CCBE1: variants seen among roughly 807,000 people sequenced by gnomAD.
CCBE1 encodes the protein collagen and calcium binding EGF domains 1, also known as collagen and calcium-binding EGF domain-containing protein 1.
Under a neutral mutation model 50.0 loss-of-function variants are expected in CCBE1, and 37 were observed. The ratio of observed to expected loss-of-function variants is 0.74; its 90% CI spans 0.57 to 0.97. The LOEUF (loss-of-function observed/expected upper bound fraction) is 0.97, where lower values mean the gene tolerates loss of function less well. CCBE1 is among the 50% of genes least tolerant of loss of function. CCBE1 has a pLI of 0.00. For synonymous variants in CCBE1, 234 were observed against 203.7 expected, an observed-to-expected ratio of 1.15 and a Z score of -1.27; for missense variants, 538 against 523.8, an observed-to-expected ratio of 1.03 and a Z score of -0.26.
chr18:59,587,667 G>A (rs1401550926), intron 2 of CCBE1, among the ~76,000 whole-genome samples: 1 of 152,010 alleles, frequency 6.6e-6, no homozygotes, highest in Non-Finnish European at 1.5e-5. Flanking sequence ...CTAATCTATC[G>A]CCACTCCTAT....
chr18:59,567,970 T>C (rs1057348515), intron 2 of CCBE1, among the ~76,000 whole-genome samples: 2 of 152,244 alleles, frequency 1.3e-5, no homozygotes, highest in African/African-American at 4.8e-5. Flanking sequence ...ACTTTCTTCT[T>C]GCTCATAGAT....
At chr18:59,524,227 G>C (rs1557403) in intron 2 of CCBE1, among the ~76,000 whole-genome samples, 30,575 of 152,106 alleles carry the variant, frequency 0.2, 3,368 homozygotes, top group African/African-American at 0.27. Flanking sequence ...GGCTGAAGCA[G>C]GAGAATCGCT....
chr18:59,539,466 C>G (rs1915384915), intron 2 of CCBE1, among the ~76,000 whole-genome samples: 1 of 152,160 alleles, frequency 6.6e-6, no homozygotes, highest in African/African-American at 2.4e-5. Context: ...TCAGCTGACA[C>G]CTGATTGTAG....
chr18:59,571,586 G>C (rs144539163), intron 2 of CCBE1, among the ~76,000 whole-genome samples: 4,357 of 152,122 alleles, frequency 0.029, 216 homozygotes, highest in African/African-American at 0.1. Context: ...TAACAAACCT[G>C]CACGTTGTGC....
chr18:59,673,095 G>A (rs976461339), intron 2 of CCBE1, among the ~76,000 whole-genome samples: 1 of 152,190 alleles, frequency 6.6e-6, no homozygotes, highest in African/African-American at 2.4e-5. Flanking sequence ...TTATGGGACT[G>A]TGAGAAAGTT....
At chr18:59,445,011 T>C (rs919445377) in intron 7 of CCBE1, among the ~76,000 whole-genome samples, 2 of 152,208 alleles carry the variant, frequency 1.3e-5, no homozygotes, top group African/African-American at 4.8e-5. Flanking sequence ...GCCCTGTTGA[T>C]TGTTTGATTT....
intron 2 of CCBE1, among the ~76,000 whole-genome samples, chr18:59,543,847 A>AAAAAAAAAAAAAAC (rs1915576051): frequency 1.1e-4 from 9 of 78,594 alleles, no homozygotes; most frequent in African/African-American, 4.1e-4. Context: ...AAAAAAAAAA[A>AAAAAAAAAAAAAAC]AAAAAAAAAA....
chr18:59,510,707 C>T (rs1450540531), intron 2 of CCBE1, among the ~76,000 whole-genome samples: 3 of 152,226 alleles, frequency 2.0e-5, no homozygotes, highest in Non-Finnish European at 4.4e-5. Context: ...CAGGCAGGAG[C>T]CACCACACCC....
chr18:59,525,276 G>C (rs1022454192), intron 2 of CCBE1, among the ~76,000 whole-genome samples: 1 of 152,172 alleles, frequency 6.6e-6, no homozygotes. Flanking sequence ...ATTCTGACTG[G>C]CATGAAATGG....
At chr18:59,482,999 T>C (rs1036271479) in intron 2 of CCBE1, among the ~76,000 whole-genome samples, 1 of 152,120 alleles carries the variant, frequency 6.6e-6, no homozygotes, top group Non-Finnish European at 1.5e-5. Context: ...GAAGAGAAAC[T>C]GAGTTAAACG....
rs149279652 is a variant in CCBE1 at position 59,618,130 on chromosome 18, A to G, written c.212+78499T>C. 2.9e-4 allele frequency among the ~76,000 whole-genome samples: 44 copies of G among 152,292 alleles called. No individual in the cohort carries two copies. In the East Asian group the frequency reaches 7.5e-3, roughly 26 times the overall value. ...TGGATTAACGTTCTATGTTAATTTTAGGGTGGTTTCCAGGCACTTTCAAGA... is the reference window on the plus strand; with the variant it reads ...TGGATTAACGTTCTATGTTAATTTTGGGGTGGTTTCCAGGCACTTTCAAGA... On this transcript the variant is annotated intron_variant, in intron 2 of 10. Coordinates refer to ENST00000439986, the MANE Select transcript of CCBE1 (RefSeq NM_133459.4).
chr18:59,459,838 A>G (rs1911375836), intron 5 of CCBE1, among the ~76,000 whole-genome samples: 1 of 152,204 alleles, frequency 6.6e-6, no homozygotes, highest in Non-Finnish European at 1.5e-5. Context: ...TGGCAAGGCA[A>G]CAGTATCAGC....
rs986869503 is a variant in CCBE1 at position 59,594,885 on chromosome 18, G to C, written c.212+101744C>G. On this transcript the variant is annotated intron_variant, in intron 2 of 10. Transcript: ENST00000439986. ...TCCCAGCACTTTGGGAGGCCGAGGA[G>C]GGTGGATCACGAGGTCAAGAGAACA... Among the ~76,000 whole-genome samples the C allele has an allele frequency of 3.3e-5, 5 of 152,028 alleles. No homozygotes were observed. The South Asian group carries it at 8.3e-4, about 25-fold the overall frequency.
At chr18:59,621,191 C>T (rs2053705629) in intron 2 of CCBE1, among the ~76,000 whole-genome samples, 1 of 152,344 alleles carries the variant, frequency 6.6e-6, no homozygotes, top group Non-Finnish European at 1.5e-5. Flanking sequence ...GGGCACCCAG[C>T]TCTGAAAGAA....
chr18:59,450,568 C>CT (rs1438498096), intron 6 of CCBE1, among the ~76,000 whole-genome samples: 1 of 152,212 alleles, frequency 6.6e-6, no homozygotes, highest in African/African-American at 2.4e-5. Context: ...GAATCTCACT[C>CT]TATCACCCAG....
chr18:59,537,521 C>T (rs1915299226), intron 2 of CCBE1, among the ~76,000 whole-genome samples: 1 of 152,160 alleles, frequency 6.6e-6, no homozygotes, highest in African/African-American at 2.4e-5. Flanking sequence ...TGTCTGCTGC[C>T]ATGTAAGATG....
intron 7 of CCBE1, among the ~76,000 whole-genome samples, chr18:59,441,757 C>T (rs1419406470): frequency 6.6e-6 from 1 of 152,140 alleles, no homozygotes; most frequent in Non-Finnish European, 1.5e-5. Context: ...AGACTGCTCC[C>T]AGCTGAGCAA....
intron 7 of CCBE1, among the ~76,000 whole-genome samples, chr18:59,440,314 T>C (rs1469367050): frequency 6.6e-6 from 1 of 152,208 alleles, no homozygotes; most frequent in Non-Finnish European, 1.5e-5. Context: ...ATCTCATCTG[T>C]AAAAGTGGGC....
intron 2 of CCBE1, among the ~76,000 whole-genome samples, chr18:59,603,128 A>G (rs1422738640): frequency 2.6e-5 from 4 of 152,236 alleles, no homozygotes; most frequent in Non-Finnish European, 5.9e-5. Flanking sequence ...CCTGAAAAAA[A>G]TCCAGTGTGT....
Sources: allele counts gnomAD v4.1 joint callset (sites outside exome capture counted in the v4.1 genomes callset), GRCh38; gene constraint gnomAD v4.1.1; transcripts MANE v1.5; gene names NCBI Gene and HGNC (gene_info 2026-07-23, HGNC 2026-07-21).